FREM2: variants seen among roughly 807,000 people sequenced by gnomAD.
FREM2 encodes the protein FRAS1-related extracellular matrix protein 2.
FREM2 carries 119 observed loss-of-function variants against 219.9 expected under a neutral mutation model. The ratio of observed to expected loss-of-function variants is 0.54; its 90% CI spans 0.47 to 0.63. FREM2 has a LOEUF of 0.63. Among genes scored for constraint, FREM2 ranks in the 30% least tolerant of loss-of-function variants. FREM2 has a pLI of 0.00. For synonymous variants in FREM2, 1,562 were observed against 1,522.8 expected (o/e 1.03, Z -0.60); for missense variants, 4,030 against 3,993.6 (o/e 1.01, Z -0.25).
At chr13:38,732,548 A>C (rs189150446) in intron 2 of FREM2, among the ~76,000 whole-genome samples, 120 of 152,326 alleles carry the variant, frequency 7.9e-4, no homozygotes, top group Non-Finnish European at 1.3e-3. Flanking sequence ...AATCAGCAAG[A>C]TGTAGCCCCT....
intron 6 of FREM2, among the ~76,000 whole-genome samples, chr13:38,841,835 C>A (rs750011119): frequency 1.3e-5 from 2 of 152,104 alleles, no homozygotes; most frequent in Non-Finnish European, 2.9e-5. Context: ...ATATTGATTG[C>A]ACACCTATTG....
At position 38,857,914 on chromosome 13, in the gene FREM2, A is replaced by G; in HGVS notation, c.7096A>G (p.Met2366Val). 6.2e-7 allele frequency: 1 copy of G among 1,613,752 alleles called. No homozygotes were observed. Reference sequence around the variant, plus strand: ...TGTGTACATAGAAGAAATGAGCAGCATGGCAGATGTCACTTTTCCTTCTGT... The same window carrying G: ...TGTGTACATAGAAGAAATGAGCAGCGTGGCAGATGTCACTTTTCCTTCTGT... Reference protein sequence around the residue: ...AIVYIEEMSSMADVTFPSVPQ... With the variant: ...AIVYIEEMSSVADVTFPSVPQ... Residue 2366 changes from methionine (M) to valine (V), a missense_variant, in exon 13 of 24, where the codon ATG becomes GTG. Physicochemically the swap from Met to Val is conservative, Grantham distance 21 (BLOSUM62 1). Transcript: ENST00000280481.
chr13:38,795,360 G>A (rs544891206), intron 6 of FREM2, among the ~76,000 whole-genome samples: 68 of 149,652 alleles, frequency 4.5e-4, no homozygotes, highest in African/African-American at 1.7e-3. Flanking sequence ...TTCTTTTCTG[G>A]TAGTGGGTAT....
At chr13:38,800,910 A>G (rs1874983086) in intron 6 of FREM2, among the ~76,000 whole-genome samples, 1 of 152,190 alleles carries the variant, frequency 6.6e-6, no homozygotes, top group South Asian at 2.1e-4. Context: ...AATTATAGGC[A>G]TGAGCCACCA....
chr13:38,853,761 G>A (rs1309573695), intron 11 of FREM2, among the ~76,000 whole-genome samples: 1 of 152,018 alleles, frequency 6.6e-6, no homozygotes, highest in East Asian at 1.9e-4. Flanking sequence ...CCCAGAGAAG[G>A]GAAAACAAAA....
chr13:38,851,879 C>T lies in FREM2; in HGVS notation c.6925+11C>T, dbSNP rs750147556. The T allele has an allele frequency of 1.9e-6, 3 of 1,611,948 alleles. No homozygotes were observed. In the South Asian group the frequency reaches 3.3e-5, roughly 18 times the overall value. On this transcript the variant is annotated intron_variant, in intron 11 of 23. Transcript: ENST00000280481. Reference sequence around the variant, plus strand: ...ACCCTGTGTCAGAAGGTATGGGGCTCCCAGGGCCTGTCTCCTGATGGATCA... The same window carrying T: ...ACCCTGTGTCAGAAGGTATGGGGCTTCCAGGGCCTGTCTCCTGATGGATCA...
intron 16 of FREM2, 78 bp from the exon 17 acceptor site, chr13:38,872,664 G>C: frequency 8.2e-7 from 1 of 1,225,960 alleles, no homozygotes; most frequent in Non-Finnish European, 1.2e-6. Context: ...TAAGCGAAAA[G>C]AGAAAATGGC....
intron 2 of FREM2, among the ~76,000 whole-genome samples, chr13:38,726,513 A>G (rs1436254385): frequency 1.3e-5 from 2 of 152,170 alleles, no homozygotes; most frequent in Non-Finnish European, 2.9e-5. Context: ...TATAATTAAT[A>G]CAGGGTCAGA....
intron 2 of FREM2, among the ~76,000 whole-genome samples, chr13:38,754,010 G>A (rs191283870): frequency 3.6e-4 from 46 of 128,044 alleles, no homozygotes; most frequent in African/African-American, 1.0e-3. Context: ...AATGGAGCTG[G>A]GGGAGGGGGC....
At chr13:38,708,874 C>G (rs779690167) in intron 2 of FREM2, among the ~76,000 whole-genome samples, 3 of 152,090 alleles carry the variant, frequency 2.0e-5, no homozygotes, top group Non-Finnish European at 4.4e-5. Context: ...ATTCTCCTGC[C>G]TCAGCCTTCT....
chr13:38,702,778 T>C (rs889414836), intron 2 of FREM2, among the ~76,000 whole-genome samples: 1 of 152,128 alleles, frequency 6.6e-6, no homozygotes, highest in African/African-American at 2.4e-5. Flanking sequence ...TCATATGACA[T>C]AGGCATGCAG....
intron 2 of FREM2, among the ~76,000 whole-genome samples, chr13:38,740,455 A>G (rs1472074694): frequency 1.3e-5 from 2 of 152,232 alleles, no homozygotes; most frequent in African/African-American, 4.8e-5. Flanking sequence ...TTTAACGTAC[A>G]TCAATTGTTG....
At chr13:38,754,901 G>GATTATTATTATTATTATTATTATT (rs6145018) in intron 2 of FREM2, among the ~76,000 whole-genome samples, 131 of 128,652 alleles carry the variant, frequency 1.0e-3, no homozygotes, top group African/African-American at 1.9e-3. Context: ...TGATGATGAT[G>GATTATTATTATTATTATTATTATT]ATTATTATTA....
rs1279110575 is a variant in FREM2, at chr13:38,690,333, A to G, written c.2989A>G (p.Asn997Asp). ...DPPLYGEILV[N>D]GIPAEQFTQR... Reference sequence around the variant, plus strand: ...ACCTTTGTATGGGGAAATCTTGGTCAATGGCATTCCAGCAGAGCAGTTTAC... The same window carrying G: ...ACCTTTGTATGGGGAAATCTTGGTCGATGGCATTCCAGCAGAGCAGTTTAC... The change falls in exon 1 of 24, where the codon AAT becomes GAT. Residue 997 changes from asparagine (N) to aspartate (D), a missense_variant. Asn to Asp is a conservative substitution (Grantham distance 23). Coordinates refer to ENST00000280481, the MANE Select transcript of FREM2 (RefSeq NM_207361.6). The G allele has an allele frequency of 6.2e-7, 1 of 1,614,236 alleles. No individual in the cohort carries two copies.
intron 11 of FREM2, 52 bp from the exon 12 acceptor site, chr13:38,856,074 A>G (rs966507133): frequency 3.1e-6 from 4 of 1,309,000 alleles, no homozygotes; most frequent in Non-Finnish European, 4.3e-6. Context: ...AAAATAGAAA[A>G]CTTCTCATAT....
chr13:38,847,937 A>T (rs888941187), intron 7 of FREM2, among the ~76,000 whole-genome samples: 4 of 152,148 alleles, frequency 2.6e-5, no homozygotes, highest in African/African-American at 9.7e-5. Flanking sequence ...ATTGCCTGGG[A>T]CAAAGGTGGA....
chr13:38,723,870 T>G (rs1871401078), intron 2 of FREM2, among the ~76,000 whole-genome samples: 1 of 152,188 alleles, frequency 6.6e-6, no homozygotes, highest in Non-Finnish European at 1.5e-5. Flanking sequence ...ATTCTATTAT[T>G]TATCCTCATT....
At chr13:38,796,458 G>A (rs9594293) in intron 6 of FREM2, among the ~76,000 whole-genome samples, 32,166 of 152,032 alleles carry the variant, frequency 0.21, 3,670 homozygotes, top group African/African-American at 0.3. Context: ...CTCAGATAAT[G>A]GGGAAGTTCC....
rs751304277 is a variant in FREM2, at chr13:38,723,259, AATAAAAT to A, written c.5263+25474_5263+25480del. ...AAAAAAATAAAAATAAAAAATAAAA[AATAAAAT>A]AAAACAGCTGGAGATGTCCGTGGGA... is the stretch of plus-strand genomic sequence containing the variant. On this transcript the variant is annotated intron_variant, in intron 2 of 23. Coordinates refer to ENST00000280481, the MANE Select transcript of FREM2 (RefSeq NM_207361.6). 7.0e-4 allele frequency among the ~76,000 whole-genome samples: 106 copies of A among 152,112 alleles called. No homozygotes were observed. In the Middle Eastern group the frequency reaches 0.01, roughly 15 times the overall value.
Sources: allele counts gnomAD v4.1 joint callset (sites outside exome capture counted in the v4.1 genomes callset), GRCh38; gene constraint gnomAD v4.1.1; transcripts MANE v1.5; gene names NCBI Gene and HGNC (gene_info 2026-07-23, HGNC 2026-07-21).